ZNF846: variants seen among roughly 807,000 people sequenced by gnomAD.
The protein encoded by ZNF846 is zinc finger protein 420 pseudogene.
Under a neutral mutation model 16.0 loss-of-function variants are expected in ZNF846, and 15 were observed. The ratio of observed to expected loss-of-function variants is 0.94; its 90% CI spans 0.63 to 1.45. The LOEUF (loss-of-function observed/expected upper bound fraction) is 1.45. Among genes scored for constraint, ZNF846 ranks in the 40% most tolerant of loss-of-function variants. The pLI is 0.00. For missense variants in ZNF846, 714 were observed against 622.3 expected (o/e 1.15, Z -1.57); for synonymous variants, 229 against 212.0 (o/e 1.08, Z -0.70).
chr19:9,763,205 T>C (rs1411995726), intron 3 of ZNF846, 77 bp downstream of exon 3: 1 of 1,378,114 alleles, frequency 7.3e-7, no homozygotes, highest in African/African-American at 1.5e-5. Flanking sequence ...CTTATTACAG[T>C]ACCCTCATTT....
chr19:9,777,675 A>G (rs1043495689), intron 1 of ZNF846, among the ~76,000 whole-genome samples: 1 of 151,610 alleles, frequency 6.6e-6, no homozygotes, highest in African/African-American at 2.4e-5. Flanking sequence ...GTCCAAAAAA[A>G]AAAATTTAAA....
intron 1 of ZNF846, chr19:9,774,515 C>A: frequency 8.5e-7 from 1 of 1,171,594 alleles, no homozygotes; most frequent in Non-Finnish European, 1.3e-6. Context: ...CAGCAGGAGG[C>A]TGATTAAGAG....
rs181221528 is a variant in ZNF846, at chr19:9,773,710, A to G, written c.-85-8675T>C. ...GGCAGGAGAATCACTTGAACCCGGTAGGTGGAGGTTGCAGTGAGCCGAGAT... is the reference window on the plus strand; with the variant it reads ...GGCAGGAGAATCACTTGAACCCGGTGGGTGGAGGTTGCAGTGAGCCGAGAT... On this transcript the variant is annotated intron_variant, in intron 1 of 4. Transcript: ENST00000586814. Among the ~76,000 whole-genome samples the G allele has an allele frequency of 6.4e-3, 977 of 152,266 alleles. 10 individuals are homozygous for G. Among genetic ancestry groups the G allele is most frequent in the African/African-American group, 0.022 (906 of 41,558 alleles).
At chr19:9,755,294 C>T (rs1055695310), downstream of ZNF846, among the ~76,000 whole-genome samples, 4 of 151,546 alleles carry the variant, frequency 2.6e-5, no homozygotes, top group African/African-American at 9.8e-5. Context: ...AACTTTTCAA[C>T]CACAGAAAAT....
At chr19:9,755,210 C>T (rs142428110), downstream of ZNF846, among the ~76,000 whole-genome samples, 48 of 151,518 alleles carry the variant, frequency 3.2e-4, 2 homozygotes, top group East Asian at 1.4e-3. Flanking sequence ...ACTGTCCAGT[C>T]CTCACTCCTC....
At chr19:9,779,123 G>T (rs1202478189) in intron 1 of ZNF846, among the ~76,000 whole-genome samples, 1 of 152,102 alleles carries the variant, frequency 6.6e-6, no homozygotes, top group Non-Finnish European at 1.5e-5. Flanking sequence ...AGCTCTGAGG[G>T]TAAATAGTTG....
At chr19:9,756,526 T>C (rs529991143), downstream of ZNF846, 1 of 151,254 alleles carries the variant, frequency 6.6e-6, no homozygotes, top group East Asian at 1.9e-4. Flanking sequence ...ACTGACTTAG[T>C]AACACTGGAA....
intron 1 of ZNF846, chr19:9,775,034 G>C: frequency 7.3e-7 from 1 of 1,362,216 alleles, no homozygotes; most frequent in African/African-American, 1.5e-5. Flanking sequence ...GGCAAAGCAG[G>C]ACTCTGTGGA....
At chr19:9,750,337 C>T (rs2045074020), downstream of ZNF846, among the ~76,000 whole-genome samples, 1 of 152,158 alleles carries the variant, frequency 6.6e-6, no homozygotes, top group Non-Finnish European at 1.5e-5. Context: ...ATACTATGTG[C>T]TTTCTTATAC....
downstream of ZNF846, among the ~76,000 whole-genome samples, chr19:9,754,642 GC>G (rs200234948): frequency 0.031 from 4,523 of 147,732 alleles, 105 homozygotes; most frequent in Non-Finnish European, 0.047. Context: ...GCCAAATTAT[GC>G]CATTAGATTG....
downstream of ZNF846, among the ~76,000 whole-genome samples, chr19:9,751,488 G>A (rs2045083077): frequency 6.6e-6 from 1 of 152,104 alleles, no homozygotes; most frequent in Admixed American, 6.5e-5. Context: ...TTGTGATAAT[G>A]TACTTTGTGA....
At chr19:9,758,270 A>C in exon 6 of ZNF846, 6 of 1,613,434 alleles carry the variant, frequency 3.7e-6, no homozygotes, top group Non-Finnish European at 5.1e-6. Flanking sequence ...TGTGTAATTT[A>C]AGTCCTGTGG....
chr19:9,763,804 T>C (rs888828105), intron 2 of ZNF846, among the ~76,000 whole-genome samples: 3 of 152,202 alleles, frequency 2.0e-5, no homozygotes, highest in Non-Finnish European at 1.5e-5. Flanking sequence ...AGCAAAACAA[T>C]GAGCCAACAA....
upstream of ZNF846, among the ~76,000 whole-genome samples, chr19:9,769,582 A>ATT (rs2045371000): frequency 2.0e-5 from 3 of 152,098 alleles, no homozygotes; most frequent in Non-Finnish European, 4.4e-5. Flanking sequence ...CTGCAGGGAT[A>ATT]TAAACATATT....
downstream of ZNF846, chr19:9,756,706 T>C (rs2045140369): frequency 6.9e-6 from 1 of 145,526 alleles, no homozygotes; most frequent in African/African-American, 2.5e-5. Flanking sequence ...TTTACATTTG[T>C]AGGGTTTTAT....
chr19:9,754,563 T>TC (rs776769152), downstream of ZNF846, among the ~76,000 whole-genome samples: 679 of 83,724 alleles, frequency 8.1e-3, 44 homozygotes, highest in African/African-American at 0.021. Flanking sequence ...AGACTCTGTC[T>TC]TAAAAAAAAA....
chr19:9,753,936 A>T (rs2145165560), downstream of ZNF846, among the ~76,000 whole-genome samples: 2 of 151,682 alleles, frequency 1.3e-5, no homozygotes, highest in Middle Eastern at 3.4e-3. Flanking sequence ...TTCCTTCTTG[A>T]TATTATCGTG....
At chr19:9,769,783 C>T (rs1045815723), upstream of ZNF846, among the ~76,000 whole-genome samples, 15 of 151,912 alleles carry the variant, frequency 9.9e-5, no homozygotes, top group African/African-American at 3.6e-4. Flanking sequence ...CGAGACCAGC[C>T]TGGCCAACAT....
rs374884188 is a variant in ZNF846 at position 9,765,038 on chromosome 19, T to C, written c.-85-3A>G. Reference sequence around the variant, plus strand: ...GAAAGTGTCCTGGAAAAAATGACCTTTGGAAAAGAATAATGGCATGTCAGT... The same window carrying C: ...GAAAGTGTCCTGGAAAAAATGACCTCTGGAAAAGAATAATGGCATGTCAGT... On this transcript the variant is annotated splice_region_variant and splice_polypyrimidine_tract_variant and intron_variant, in intron 1 of 5. Transcript: ENST00000397902. The C allele has an allele frequency of 1.3e-4, 193 of 1,463,348 alleles. No individual in the cohort carries two copies. The African/African-American group carries it at 2.4e-3, about 18-fold the overall frequency. 90.6% of individuals were successfully genotyped at this position (1,463,348 alleles called of 1,614,324 possible). A position where few individuals can be genotyped will look rare whatever the true frequency, so the allele number is the denominator to read the frequency against.
Sources: allele counts gnomAD v4.1 joint callset (sites outside exome capture counted in the v4.1 genomes callset), GRCh38; gene constraint gnomAD v4.1.1; transcripts MANE v1.5; gene names NCBI Gene and HGNC (gene_info 2026-07-23, HGNC 2026-07-21).